Variants in GUCY1A2 observed in about 807,000 individuals in gnomAD.
GUCY1A2 encodes the protein guanylate cyclase 1 soluble subunit alpha 2, also known as guanylate cyclase soluble subunit alpha-2.
A neutral mutation model predicts 63.5 loss-of-function variants in GUCY1A2; 27 were observed. That is an observed-to-expected ratio of 0.43 (90% CI 0.31 to 0.59). The LOEUF is 0.59. Among genes scored for constraint, GUCY1A2 ranks in the 20% least tolerant of loss-of-function variants. The pLI is 0.11. For missense variants in GUCY1A2, 768 were observed against 913.3 expected (o/e 0.84, Z 2.05); for synonymous variants, 364 against 343.5 (o/e 1.06, Z -0.66).
At chr11:106,817,910 C>A (rs971130245) in intron 4 of GUCY1A2, among the ~76,000 whole-genome samples, 1 of 152,040 alleles carries the variant, frequency 6.6e-6, no homozygotes, top group East Asian at 1.9e-4. Context: ...GAAATTAGTA[C>A]AGCCATGATG....
chr11:106,943,581 G>A (rs980702563), intron 3 of GUCY1A2, among the ~76,000 whole-genome samples: 8 of 152,130 alleles, frequency 5.3e-5, no homozygotes, highest in Admixed American at 1.3e-4. Context: ...GGCATTTCTT[G>A]AGGACAAGGA....
chr11:106,911,961 T>C (rs1169607030), intron 4 of GUCY1A2, among the ~76,000 whole-genome samples: 1 of 152,044 alleles, frequency 6.6e-6, no homozygotes, highest in Non-Finnish European at 1.5e-5. Context: ...TTTGAATCCA[T>C]ATAGAATATT....
intron 6 of GUCY1A2, among the ~76,000 whole-genome samples, chr11:106,763,445 C>G (rs10890584): frequency 6.6e-6 from 1 of 151,924 alleles, no homozygotes; most frequent in Admixed American, 6.6e-5. Context: ...GTGGGAGGAA[C>G]AGAACCTGTG....
chr11:106,886,030 G>A (rs901526344), intron 4 of GUCY1A2, among the ~76,000 whole-genome samples: 17 of 152,066 alleles, frequency 1.1e-4, no homozygotes, highest in African/African-American at 3.6e-4. Context: ...GGATAACTAC[G>A]TGTATCTGGC....
chr11:106,761,323 A>G (rs1017034883), intron 6 of GUCY1A2, among the ~76,000 whole-genome samples: 2 of 152,210 alleles, frequency 1.3e-5, no homozygotes, highest in Non-Finnish European at 2.9e-5. Context: ...AAGCTACTAT[A>G]TAATTATCCT....
intron 4 of GUCY1A2, among the ~76,000 whole-genome samples, chr11:106,935,874 TA>T (rs540262693): frequency 0.013 from 1,960 of 148,468 alleles, 25 homozygotes; most frequent in South Asian, 0.049. Context: ...AAAAAAAAAT[TA>T]AAAAAAAAAT....
At chr11:106,959,092 C>T (rs1029225482) in intron 3 of GUCY1A2, among the ~76,000 whole-genome samples, 4 of 152,268 alleles carry the variant, frequency 2.6e-5, no homozygotes, top group South Asian at 2.1e-4. Context: ...TATTCATATT[C>T]GTTACGGTCT....
intron 4 of GUCY1A2, among the ~76,000 whole-genome samples, chr11:106,839,955 A>G (rs1010406214): frequency 1.3e-5 from 2 of 151,900 alleles, no homozygotes; most frequent in Non-Finnish European, 2.9e-5. Context: ...ACATGTATAC[A>G]TATGTAACAA....
At chr11:106,905,667 G>A (rs1860194919) in intron 4 of GUCY1A2, among the ~76,000 whole-genome samples, 1 of 152,052 alleles carries the variant, frequency 6.6e-6, no homozygotes, top group South Asian at 2.1e-4. Context: ...AATCACTCAT[G>A]GCCGGTCTAA....
intron 3 of GUCY1A2, among the ~76,000 whole-genome samples, chr11:106,946,130 T>C (rs1215207656): frequency 2.0e-5 from 3 of 152,130 alleles, no homozygotes; most frequent in Admixed American, 6.5e-5. Flanking sequence ...AAAGTAAACC[T>C]ATTCTAAAAG....
intron 6 of GUCY1A2, among the ~76,000 whole-genome samples, chr11:106,713,797 C>T (rs1219259055): frequency 6.6e-6 from 1 of 151,886 alleles, no homozygotes; most frequent in Admixed American, 6.6e-5. Context: ...TGAGCCACCG[C>T]GCCCAGCCCA....
chr11:106,809,810 A>G (rs1858739878), intron 5 of GUCY1A2, among the ~76,000 whole-genome samples, 183 bp downstream of exon 5: 1 of 152,126 alleles, frequency 6.6e-6, no homozygotes, highest in African/African-American at 2.4e-5. Flanking sequence ...TATCTATGTC[A>G]ACACAAACGA....
chr11:107,015,561 C>CAAAAAAAAAAAAA (rs568139219), intron 1 of GUCY1A2, among the ~76,000 whole-genome samples: 1 of 27,508 alleles, frequency 3.6e-5, no homozygotes, highest in African/African-American at 1.1e-4. Flanking sequence ...TTCTCTTAGG[C>CAAAAAAAAAAAAA]AAAAAAAAAA....
chr11:106,722,784 CTGTGTGTGTGTGTGTGTGTGTG>C (rs5794487), intron 6 of GUCY1A2, among the ~76,000 whole-genome samples: 5 of 148,862 alleles, frequency 3.4e-5, no homozygotes, highest in African/African-American at 1.2e-4. Context: ...AAGACCAGTT[CTGTGTGTGTGTGTGTGTGTGTG>C]TGTGTGTGTG....
chr11:106,919,700 T>A (rs932945965), intron 4 of GUCY1A2, among the ~76,000 whole-genome samples: 4 of 152,028 alleles, frequency 2.6e-5, no homozygotes, highest in Non-Finnish European at 4.4e-5. Flanking sequence ...ATTTTAGGAA[T>A]CAAGAACAGT....
At chr11:106,981,294 C>G (rs968652706) in intron 2 of GUCY1A2, among the ~76,000 whole-genome samples, 1 of 152,038 alleles carries the variant, frequency 6.6e-6, no homozygotes, top group African/African-American at 2.4e-5. Context: ...GGCTTAATTT[C>G]TCCTCAATTG....
At chr11:106,795,793 G>A (rs560843695) in intron 5 of GUCY1A2, among the ~76,000 whole-genome samples, 1 of 152,174 alleles carries the variant, frequency 6.6e-6, no homozygotes, top group African/African-American at 2.4e-5. Flanking sequence ...TATTAATAGG[G>A]AGGCAGCAGC....
intron 1 of GUCY1A2, among the ~76,000 whole-genome samples, chr11:107,001,655 G>A (rs1444502391): frequency 6.7e-6 from 1 of 149,990 alleles, no homozygotes; most frequent in East Asian, 1.9e-4. Flanking sequence ...CCCTTTTTTG[G>A]TTCTTACAAC....
At chr11:106,716,154 G>T (rs1417329027) in intron 6 of GUCY1A2, among the ~76,000 whole-genome samples, 2 of 152,166 alleles carry the variant, frequency 1.3e-5, no homozygotes, top group African/African-American at 2.4e-5. Flanking sequence ...CTGAAAGGAG[G>T]CCCCTCAAGG....
Sources: allele counts gnomAD v4.1 joint callset (sites outside exome capture counted in the v4.1 genomes callset), GRCh38; gene constraint gnomAD v4.1.1; transcripts MANE v1.5; gene names NCBI Gene and HGNC (gene_info 2026-07-23, HGNC 2026-07-21).